The following HEATR4 variants were observed in gnomAD, a reference collection of about 807,000 sequenced individuals.
HEATR4 encodes the protein HEAT repeat-containing protein 4.
A neutral mutation model predicts 108.8 loss-of-function variants in HEATR4; 95 were observed. The ratio of observed to expected loss-of-function variants is 0.87; its 90% CI spans 0.74 to 1.04. The LOEUF (loss-of-function observed/expected upper bound fraction) is 1.04, where lower values mean the gene tolerates loss of function less well. Among genes scored for constraint, HEATR4 ranks in the 50% least tolerant of loss-of-function variants. The pLI, the probability that HEATR4 is intolerant of heterozygous loss-of-function variation, is 0.00. For missense variants in HEATR4, 1,152 were observed against 1,253.8 expected, an observed-to-expected ratio of 0.92 and a Z score of 1.23; for synonymous variants, 443 against 459.4, an observed-to-expected ratio of 0.96 and a Z score of 0.46.
At chr14:73,632,333 T>C in the HEATR4 span, among the ~76,000 whole-genome samples, 906 of 152,160 alleles carry the variant, frequency 6.0e-3, 16 homozygotes, top group African/African-American at 0.021. Context: ...AAGATTCAAG[T>C]AATACAGATA....
At chr14:73,599,668 T>C in the HEATR4 span, among the ~76,000 whole-genome samples, 1 of 152,172 alleles carries the variant, frequency 6.6e-6, no homozygotes, top group African/African-American at 2.4e-5. Context: ...TTTGTTCAGC[T>C]TTGTCTTGGA....
rs574228663 is a variant in HEATR4 at position 73,503,126 on chromosome 14, T to G, written c.1987-113A>C. The stretch of plus-strand genomic sequence containing the variant: ...CTCATCACTGTACTAATGAGGATTG[T>G]CCTGAGTGTTTTTTCCCATCGCTTA... On this transcript the variant is annotated intron_variant, in intron 10 of 17. Coordinates refer to ENST00000553558, the MANE Select transcript of HEATR4 (RefSeq NM_001220484.1). 25 of 832,484 alleles carry G rather than the reference T, an allele frequency of 3.0e-5. No individual in the cohort carries two copies. In the African/African-American group the frequency reaches 3.4e-4, roughly 11 times the overall value. 51.6% of individuals were successfully genotyped at this position (832,484 alleles called of 1,614,324 possible).
intron 10 of HEATR4, among the ~76,000 whole-genome samples, chr14:73,504,408 A>G (rs1886679568): frequency 6.6e-6 from 1 of 151,742 alleles, no homozygotes; most frequent in South Asian, 2.1e-4. Context: ...ACACCCGCCT[A>G]ATTTTTTTTA....
chr14:73,569,302 TG>T, the HEATR4 span: 5 of 1,613,950 alleles, frequency 3.1e-6, no homozygotes, highest in South Asian at 3.3e-5. Context: ...GAATTCAAAA[TG>T]GCCTCATCTC....
chr14:73,494,124 A>G (rs546831931), intron 16 of HEATR4, among the ~76,000 whole-genome samples: 1 of 152,294 alleles, frequency 6.6e-6, no homozygotes, highest in South Asian at 2.1e-4. Flanking sequence ...TGTTCAAGTT[A>G]CTTTCCACTC....
intron 1 of HEATR4, among the ~76,000 whole-genome samples, chr14:73,536,516 TAAAAAAAAAAAAAA>T (rs543491523): frequency 5.1e-5 from 3 of 59,346 alleles, no homozygotes; most frequent in Non-Finnish European, 3.2e-5. Flanking sequence ...CCTGTCTCTT[TAAAAAAAAAAAAAA>T]AAAAAAAAAA....
intron 6 of HEATR4, among the ~76,000 whole-genome samples, 166 bp from the exon 7 acceptor site, chr14:73,512,315 C>CT (rs1288470033): frequency 6.6e-6 from 1 of 152,194 alleles, no homozygotes; most frequent in Non-Finnish European, 1.5e-5. Flanking sequence ...AGTTATTTCT[C>CT]TGATGATCCA....
chr14:73,568,565 C>CA, the HEATR4 span, among the ~76,000 whole-genome samples: 3,197 of 143,296 alleles, frequency 0.022, 122 homozygotes, highest in East Asian at 0.2. Context: ...CCCTGTCTCT[C>CA]AAAAAAAAAA....
intron 17 of HEATR4, chr14:73,491,142 A>G (rs369934425): frequency 5.2e-5 from 83 of 1,607,864 alleles, no homozygotes; most frequent in Non-Finnish European, 6.6e-5. Context: ...ATACGAAAGC[A>G]GCTGCGAAGT....
At chr14:73,529,547 T>C (rs145211450) in intron 2 of HEATR4, among the ~76,000 whole-genome samples, 17 of 151,958 alleles carry the variant, frequency 1.1e-4, no homozygotes, top group Admixed American at 4.6e-4. Flanking sequence ...AACTAGAAAA[T>C]GTAGGAGTTG....
the HEATR4 span, chr14:73,613,155 C>G: frequency 4.3e-6 from 2 of 468,168 alleles, no homozygotes; most frequent in Non-Finnish European, 7.4e-6. Flanking sequence ...GTCATGGATT[C>G]TGAGTCTGGG....
At chr14:73,486,373 A>G (rs568939467) in intron 17 of HEATR4, among the ~76,000 whole-genome samples, 4 of 152,236 alleles carry the variant, frequency 2.6e-5, no homozygotes, top group South Asian at 4.1e-4. Context: ...CTCCCTTTCA[A>G]CAACTCATGC....
the HEATR4 span, among the ~76,000 whole-genome samples, chr14:73,601,728 A>G: frequency 2.6e-5 from 4 of 152,336 alleles, no homozygotes; most frequent in South Asian, 8.3e-4. Flanking sequence ...CCATGAGTCC[A>G]TGCTTAACAT....
the HEATR4 span, chr14:73,593,911 C>T: frequency 6.2e-7 from 1 of 1,603,304 alleles, no homozygotes; most frequent in Admixed American, 1.7e-5. Flanking sequence ...CCAGGTTCTC[C>T]TCATGTCCTT....
chr14:73,589,619 T>C, the HEATR4 span, among the ~76,000 whole-genome samples: 2 of 152,192 alleles, frequency 1.3e-5, no homozygotes, highest in Non-Finnish European at 2.9e-5. Flanking sequence ...GTGCCTAGCC[T>C]ACCTTATATT....
the HEATR4 span, among the ~76,000 whole-genome samples, chr14:73,618,188 T>C: frequency 0.015 from 2,261 of 152,186 alleles, 60 homozygotes; most frequent in African/African-American, 0.052. Flanking sequence ...TTTGGTATAA[T>C]TAAAAATGGA....
Position 73,532,271 on chromosome 14 carries a change from C to T in HEATR4, c.-151-2027G>A, listed in dbSNP as rs1360499952. Among the ~76,000 whole-genome samples, 12 of 114,456 alleles carry T rather than the reference C, an allele frequency of 1.0e-4. 4 individuals carry two copies. Among genetic ancestry groups the T allele is most frequent in the Admixed American group, 2.0e-4 (2 of 10,042 alleles). The allele number at this position is 114,456 out of a possible 152,430, so 75.1% of individuals were successfully genotyped here. ...TCTCCTTTGCCCACACAGTTCAATC[C>T]TATTTTCCCTGATCTCCAAATCCTG... On this transcript the variant is annotated intron_variant, in intron 1 of 17. Coordinates refer to ENST00000553558, the MANE Select transcript of HEATR4 (RefSeq NM_001220484.1).
Position 73,554,038 on chromosome 14 carries a change from G to A in HEATR4, c.-152+4713C>T, listed in dbSNP as rs560330239. Among the ~76,000 whole-genome samples the A allele has an allele frequency of 1.7e-5, 2 of 115,352 alleles. 1 individual carries two copies. The highest frequency in any genetic ancestry group is 5.6e-5 in the African/African-American group (2 of 35,840). The allele number at this position is 115,352 out of a possible 152,430, so 75.7% of individuals were successfully genotyped here. A position where few individuals can be genotyped will look rare whatever the true frequency, so the allele number is the denominator to read the frequency against. ...CTGTACACAAAAGAATTAGCCAGCT[G>A]GGCATGGTGGCTTACTCATGTAATC... On this transcript the variant is annotated intron_variant, in intron 1 of 17. Transcript: ENST00000553558.
At chr14:73,633,381 TC>T in the HEATR4 span, among the ~76,000 whole-genome samples, 1 of 152,204 alleles carries the variant, frequency 6.6e-6, no homozygotes, top group Non-Finnish European at 1.5e-5. Flanking sequence ...CCCGCTGGGC[TC>T]GTTTTAGGTC....
Sources: gnomAD v4.1 joint callset for allele counts (sites outside exome capture counted in the v4.1 genomes callset) on GRCh38, gnomAD v4.1.1 for gene constraint, MANE v1.5 for transcripts, NCBI Gene and HGNC (gene_info 2026-07-23, HGNC 2026-07-21) for gene names.